Variants in EVC observed in about 807,000 individuals in gnomAD.
EVC encodes the protein evC complex member EVC.
A neutral mutation model predicts 118.9 loss-of-function variants in EVC; 116 were observed. The ratio of observed to expected loss-of-function variants is 0.98; its 90% CI spans 0.84 to 1.14. The LOEUF is 1.14. Ranked by LOEUF, EVC falls within the 50% of genes most tolerant of loss-of-function variation. The pLI is 0.00. For missense variants in EVC, 1,401 were observed against 1,246.4 expected (o/e 1.12, Z -1.87); for synonymous variants, 619 against 534.7 (o/e 1.16, Z -2.18).
rs540925219 is a variant in EVC at position 5,769,311 on chromosome 4, G to T, written c.1563+12949G>T. Among the ~76,000 whole-genome samples, 13 of 152,206 alleles carry T rather than the reference G, an allele frequency of 8.5e-5. No homozygotes were observed. The East Asian group carries it at 2.3e-3, about 27-fold the overall frequency. Reference sequence around the variant, plus strand: ...ACCCACTGTCACAAGAACAGCATGGGAAAGACCCACCCCAGTGACTCAGTT... The same window carrying T: ...ACCCACTGTCACAAGAACAGCATGGTAAAGACCCACCCCAGTGACTCAGTT... On this transcript the variant is annotated intron_variant, in intron 11 of 20. Transcript: ENST00000264956.
At chr4:5,764,018 G>C (rs1262856288) in intron 11 of EVC, among the ~76,000 whole-genome samples, 1 of 148,502 alleles carries the variant, frequency 6.7e-6, no homozygotes, top group Non-Finnish European at 1.5e-5. Flanking sequence ...TGCCCATTCA[G>C]TGTGATATTG....
intron 2 of EVC, among the ~76,000 whole-genome samples, chr4:5,721,608 C>T (rs563856464): frequency 9.8e-4 from 149 of 152,306 alleles, no homozygotes; most frequent in Middle Eastern, 6.8e-3. Context: ...TGGCTCATGC[C>T]TGTAATCCCA....
In EVC at chr4:5,713,656, G is replaced by T. The variant is rs1178277025; in HGVS notation, c.174+2102G>T. ...CGCACCATTGCACTCCAGCCTGGGC[G>T]ATAGAGCAAGGCTCCGTCTCAAAAA... On this transcript the variant is annotated intron_variant, in intron 1 of 20. Coordinates refer to ENST00000264956, the MANE Select transcript of EVC (RefSeq NM_153717.3). Among the ~76,000 whole-genome samples, 3 of 103,086 alleles carry T rather than the reference G, an allele frequency of 2.9e-5. No homozygotes were observed. In the Admixed American group the frequency reaches 3.6e-4, roughly 12 times the overall value. 67.6% of individuals were successfully genotyped at this position (103,086 alleles called of 152,430 possible).
chr4:5,826,226 G>C, the EVC span: 26 of 144,738 alleles, frequency 1.8e-4, 1 homozygote, highest in South Asian at 5.4e-3. Context: ...CCCACCCCCG[G>C]AAAGGACCCC....
In EVC at chr4:5,729,136, C is replaced by T. The variant is rs111861127; in HGVS notation, c.301-171C>T. On this transcript the variant is annotated intron_variant, in intron 2 of 20. Transcript: ENST00000264956. ...TCCATCCATCTGTTTGTCCACCCATCCATCCATTTTCCTTCTGGCAAGGAA... is the reference window on the plus strand; with the variant it reads ...TCCATCCATCTGTTTGTCCACCCATTCATCCATTTTCCTTCTGGCAAGGAA... Among the ~76,000 whole-genome samples the T allele has an allele frequency of 0.091, 13,892 of 152,170 alleles. 671 individuals are homozygous for T. The highest frequency in any genetic ancestry group is 0.13 in the Middle Eastern group (37 of 292).
chr4:5,824,589 C>G, the EVC span: 1 of 959,974 alleles, frequency 1.0e-6, no homozygotes, highest in Non-Finnish European at 1.2e-6. Flanking sequence ...ATCCGGCCCA[C>G]CGCCTGTTTC....
intron 11 of EVC, among the ~76,000 whole-genome samples, chr4:5,770,550 G>T (rs1261549031): frequency 1.3e-5 from 2 of 152,166 alleles, no homozygotes; most frequent in Non-Finnish European, 2.9e-5. Context: ...CATTCTAGTG[G>T]GAAGTAGTGA....
At chr4:5,713,631 C>T (rs376209084) in intron 1 of EVC, among the ~76,000 whole-genome samples, 5 of 145,652 alleles carry the variant, frequency 3.4e-5, no homozygotes, top group African/African-American at 5.1e-5. Context: ...GAGCCAAGAT[C>T]GCACCATTGC....
intron 2 of EVC, among the ~76,000 whole-genome samples, chr4:5,721,227 C>A (rs1427340026): frequency 6.6e-6 from 1 of 152,132 alleles, no homozygotes; most frequent in African/African-American, 2.4e-5. Flanking sequence ...ATGTTCAAAG[C>A]AACACTATTC....
chr4:5,798,543 G>A lies in EVC; in HGVS notation c.2098-43G>A. The A allele has an allele frequency of 1.3e-6, 2 of 1,530,674 alleles. No homozygotes were observed. Among genetic ancestry groups the A allele is most frequent in the African/African-American group, 1.4e-5 (1 of 72,788 alleles). The allele number at this position is 1,530,674 out of a possible 1,614,324, so 94.8% of individuals were successfully genotyped here. A position where few individuals can be genotyped will look rare whatever the true frequency, so the allele number is the denominator to read the frequency against. On this transcript the variant is annotated intron_variant, in intron 14 of 20. Coordinates refer to ENST00000264956, the MANE Select transcript of EVC (RefSeq NM_153717.3). The surrounding 1 kb of genome is among the most constrained non-coding windows in gnomAD (Gnocchi z 4.1). ...CCAGTCCTGGCCAGAGCTTCTCTGT[G>A]AGAGGAGCACTTGGCCCCTGCTCCC...
At chr4:5,809,868 C>A (rs1716604267) in intron 19 of EVC, among the ~76,000 whole-genome samples, 1 of 152,124 alleles carries the variant, frequency 6.6e-6, no homozygotes, top group East Asian at 1.9e-4. Flanking sequence ...TCCATTTTTC[C>A]ATCTGTAAAG....
chr4:5,750,956 T>C (rs748792759), intron 8 of EVC, among the ~76,000 whole-genome samples: 1 of 152,126 alleles, frequency 6.6e-6, no homozygotes, highest in Non-Finnish European at 1.5e-5. Flanking sequence ...GGCCTGGGCA[T>C]TTGGAGCTGA....
rs767927647 is a variant in EVC, at chr4:5,756,229, G to A, written c.1465-35G>A. ...GGAAAAAAAAAAAAAAACCCTGCAT[G>A]TTTCTACCAGACTCAGCTCTTGTTT... On this transcript the variant is annotated intron_variant, in intron 10 of 20. Transcript: ENST00000264956. The surrounding 1 kb of genome is among the most constrained non-coding windows in gnomAD (Gnocchi z 4.2). The A allele has an allele frequency of 2.7e-6, 4 of 1,457,910 alleles. No individual in the cohort carries two copies. The South Asian group carries it at 4.8e-5, about 17-fold the overall frequency. The allele number at this position is 1,457,910 out of a possible 1,614,324, so 90.3% of individuals were successfully genotyped here. A position where few individuals can be genotyped will look rare whatever the true frequency, so the allele number is the denominator to read the frequency against.
intron 10 of EVC, 51 bp downstream of exon 10, chr4:5,753,984 T>C (rs1485526188): frequency 6.2e-7 from 1 of 1,609,858 alleles, no homozygotes; most frequent in Non-Finnish European, 8.5e-7. Context: ...GTTGTAGCTC[T>C]GTTCCCGTGA....
chr4:5,718,985 G>C (rs1724465837), intron 1 of EVC, among the ~76,000 whole-genome samples: 2 of 152,322 alleles, frequency 1.3e-5, no homozygotes. Context: ...CAAGTCCTGA[G>C]GGTGCACTGA....
Position 5,713,339 on chromosome 4 carries a change from A to T in EVC, c.174+1785A>T, listed in dbSNP as rs570038102. 1.6e-4 allele frequency among the ~76,000 whole-genome samples: 24 copies of T among 152,258 alleles called. No individual in the cohort carries two copies. In the South Asian group the frequency reaches 4.8e-3, roughly 30 times the overall value. On this transcript the variant is annotated intron_variant, in intron 1 of 20. Transcript: ENST00000264956. ...TATAAAATGTATGTCAGACAATATG[A>T]TTCTCCTGATTAAACACCTCCAGTG...
chr4:5,807,094 T>C (rs947515170), intron 17 of EVC, among the ~76,000 whole-genome samples: 8 of 152,108 alleles, frequency 5.3e-5, no homozygotes, highest in Non-Finnish European at 1.2e-4. Context: ...CTGTGCCAAA[T>C]GAGTGATTTG....
At chr4:5,761,790 T>G (rs1413479060) in intron 11 of EVC, among the ~76,000 whole-genome samples, 1 of 151,828 alleles carries the variant, frequency 6.6e-6, no homozygotes, top group Non-Finnish European at 1.5e-5. Flanking sequence ...TACAATGAGT[T>G]GTGTTCCACC....
At chr4:5,825,371 A>G in the EVC span, 7 of 1,447,906 alleles carry the variant, frequency 4.8e-6, no homozygotes, top group Non-Finnish European at 6.3e-6. This position sits in a 1 kb window ranked among gnomAD's most constrained non-coding sequence, Gnocchi z 4.4. Flanking sequence ...GGTGGGGCAC[A>G]CTCCCTTCCC....
Sources: gnomAD v4.1 joint callset for allele counts (sites outside exome capture counted in the v4.1 genomes callset) on GRCh38, gnomAD v4.1.1 for gene constraint, Gnocchi (gnomAD v3.1) non-coding constraint, MANE v1.5 for transcripts, NCBI Gene and HGNC (gene_info 2026-07-23, HGNC 2026-07-21) for gene names.